Variants in DNAI7 observed in about 807,000 individuals in gnomAD.
DNAI7 encodes dynein axonemal intermediate chain 7, also known as cancer susceptibility 1.
In DNAI7, 78 loss-of-function variants were observed where a neutral mutation model predicts 86.6. The observed-to-expected ratio is 0.90, with a 90% CI of 0.75 to 1.09. The LOEUF (loss-of-function observed/expected upper bound fraction) is 1.09. Among genes scored for constraint, DNAI7 ranks in the 50% least tolerant of loss-of-function variants. DNAI7 has a pLI of 0.00. For synonymous variants in DNAI7, 274 were observed against 273.0 expected, an observed-to-expected ratio of 1.00 and a Z score of -0.04; for missense variants, 753 against 810.2, an observed-to-expected ratio of 0.93 and a Z score of 0.86.
intron 2 of DNAI7, among the ~76,000 whole-genome samples, chr12:25,173,757 C>T (rs1948397675): frequency 6.6e-6 from 1 of 151,592 alleles, no homozygotes; most frequent in South Asian, 2.1e-4. Flanking sequence ...TACACACACA[C>T]ATGCACACAC....
intron 9 of DNAI7, among the ~76,000 whole-genome samples, chr12:25,137,396 C>T (rs1943670798): frequency 6.6e-6 from 1 of 152,108 alleles, no homozygotes; most frequent in Non-Finnish European, 1.5e-5. Flanking sequence ...AATCTTGAAA[C>T]AAAACCTCAA....
At chr12:25,131,336 C>T (rs146672237) in intron 9 of DNAI7, among the ~76,000 whole-genome samples, 7 of 152,304 alleles carry the variant, frequency 4.6e-5, no homozygotes, top group Admixed American at 2.0e-4. Flanking sequence ...TTGTCACACA[C>T]ACAAATTGTG....
At chr12:25,139,181 T>C (rs1943905146) in intron 9 of DNAI7, among the ~76,000 whole-genome samples, 2 of 151,066 alleles carry the variant, frequency 1.3e-5, no homozygotes, top group South Asian at 4.2e-4. Context: ...TCTGAACAGA[T>C]CAATGGCAAG....
chr12:25,112,649 G>A (rs1354766753), intron 13 of DNAI7, among the ~76,000 whole-genome samples: 2 of 151,758 alleles, frequency 1.3e-5, no homozygotes, highest in East Asian at 1.9e-4. Flanking sequence ...CTTGTGATCT[G>A]CCCACCTCGG....
intron 2 of DNAI7, among the ~76,000 whole-genome samples, chr12:25,185,010 G>A (rs1366071698): frequency 1.3e-5 from 2 of 151,684 alleles, no homozygotes; most frequent in Non-Finnish European, 2.9e-5. Flanking sequence ...CCCAGGCATG[G>A]TAGCACATGG....
At chr12:25,147,805 A>AT (rs1945062136) in intron 7 of DNAI7, among the ~76,000 whole-genome samples, 2 of 152,198 alleles carry the variant, frequency 1.3e-5, no homozygotes, top group Non-Finnish European at 2.9e-5. Flanking sequence ...ACTGTAGACT[A>AT]TTCTACTGCA....
At chr12:25,109,547 C>T (rs1949613408) in intron 15 of DNAI7, among the ~76,000 whole-genome samples, 1 of 151,530 alleles carries the variant, frequency 6.6e-6, no homozygotes, top group Non-Finnish European at 1.5e-5. Context: ...CCACTGCACC[C>T]GGCAAGGCTT....
intron 2 of DNAI7, among the ~76,000 whole-genome samples, chr12:25,169,132 C>A (rs1365251027): frequency 6.6e-6 from 1 of 152,316 alleles, no homozygotes; most frequent in East Asian, 1.9e-4. Flanking sequence ...CCAAGCTAAG[C>A]CATCATATCC....
At chr12:25,176,436 A>T (rs1164854922) in intron 2 of DNAI7, among the ~76,000 whole-genome samples, 1 of 152,096 alleles carries the variant, frequency 6.6e-6, no homozygotes, top group Non-Finnish European at 1.5e-5. Flanking sequence ...ATAAAAACTA[A>T]AATTTTCCTG....
At chr12:25,174,635 C>CATATATATGGGATATATATATGAT (rs1948731561) in intron 2 of DNAI7, among the ~76,000 whole-genome samples, 1 of 78,366 alleles carries the variant, frequency 1.3e-5, no homozygotes, top group African/African-American at 6.3e-5. Context: ...GGATATATAT[C>CATATATATGGGATATATATATGAT]ATATATATGG....
chr12:25,130,536 CAAAATAAAAT>C (rs10557708), intron 9 of DNAI7, among the ~76,000 whole-genome samples: 28,244 of 145,414 alleles, frequency 0.19, 4,454 homozygotes, highest in African/African-American at 0.42. Context: ...GACTCCCTCT[CAAAATAAAAT>C]AAAATAAAAT....
At chr12:25,174,562 CATATATATGGG>C (rs1237200645) in intron 2 of DNAI7, among the ~76,000 whole-genome samples, 284 of 39,760 alleles carry the variant, frequency 7.1e-3, no homozygotes, top group Non-Finnish European at 0.01. Flanking sequence ...ATATATATAT[CATATATATGGG>C]ATATATATCA....
chr12:25,173,574 C>A (rs1301108999), intron 2 of DNAI7, among the ~76,000 whole-genome samples: 1 of 152,026 alleles, frequency 6.6e-6, no homozygotes, highest in Admixed American at 6.6e-5. Context: ...GTAGAACTAT[C>A]ATTTGATCCA....
chr12:25,111,814 A>G lies in DNAI7; in HGVS notation c.1737T>C (p.Phe579=). ...CATAAAAATGAGAGTGTCTAGTAGGAAAGATATTCAGTCCAGCTTCTTTCA... is the reference window on the plus strand; with the variant it reads ...CATAAAAATGAGAGTGTCTAGTAGGGAAGATATTCAGTCCAGCTTCTTTCA... ...IALKEAGLNI[F]PTRHSHFYVI... The change falls in exon 14 of 16, where the codon TTT becomes TTC. Residue 579 remains phenylalanine (F), a synonymous_variant. Transcript: ENST00000395987. 6.2e-7 allele frequency: 1 copy of G among 1,600,276 alleles called. No homozygotes were observed. Among genetic ancestry groups the G allele is most frequent in the Admixed American group, 1.8e-5 (1 of 57,076 alleles).
intron 6 of DNAI7, among the ~76,000 whole-genome samples, chr12:25,153,607 G>A (rs1945818548): frequency 6.6e-6 from 1 of 152,066 alleles, no homozygotes; most frequent in Admixed American, 6.6e-5. Context: ...TTACCACCTT[G>A]TATGTACTCT....
At chr12:25,147,360 G>A (rs774472243) in intron 7 of DNAI7, among the ~76,000 whole-genome samples, 8 of 152,130 alleles carry the variant, frequency 5.3e-5, no homozygotes, top group Non-Finnish European at 1.0e-4. Flanking sequence ...AAGAATTAAA[G>A]TTGCTCTTAG....
In DNAI7 at chr12:25,187,953, G is replaced by GA. The variant is rs915485557; in HGVS notation, c.21+2660dup. ...TCAACTCTGACACTGGTAGAAGGAA[G>GA]AAAAAAAATTCCTGAGAATTTAAAC... On this transcript the variant is annotated intron_variant, in intron 2 of 15. Coordinates refer to ENST00000395987, the MANE Select transcript of DNAI7 (RefSeq NM_018272.5). Among the ~76,000 whole-genome samples, 34 of 152,050 alleles carry GA rather than the reference G, an allele frequency of 2.2e-4. 1 individual carries two copies. Among genetic ancestry groups the GA allele is most frequent in the African/African-American group, 7.7e-4 (32 of 41,488 alleles).
At chr12:25,157,159 T>TCCC (rs1946272276) in intron 4 of DNAI7, among the ~76,000 whole-genome samples, 2 of 151,188 alleles carry the variant, frequency 1.3e-5, no homozygotes, top group African/African-American at 4.9e-5. Context: ...GTGCCTGTAG[T>TCCC]CCCAGCTACT....
intron 2 of DNAI7, among the ~76,000 whole-genome samples, chr12:25,182,639 A>ACACACACACACACACAC (rs1555184991): frequency 2.4e-4 from 9 of 36,910 alleles, no homozygotes; most frequent in African/African-American, 6.9e-4. Flanking sequence ...CACACACACA[A>ACACACACACACACACAC]GCCAGATGTG....
Sources: gnomAD v4.1 joint callset for allele counts (sites outside exome capture counted in the v4.1 genomes callset) on GRCh38, gnomAD v4.1.1 for gene constraint, MANE v1.5 for transcripts, NCBI Gene and HGNC (gene_info 2026-07-23, HGNC 2026-07-21) for gene names.